Variants in MYO18B observed in about 807,000 individuals in gnomAD.
MYO18B encodes the protein myosin XVIIIB.
Under a neutral mutation model 273.0 loss-of-function variants are expected in MYO18B, and 204 were observed. That is an observed-to-expected ratio of 0.75 (90% CI 0.67 to 0.84). MYO18B has a LOEUF of 0.84. Among genes scored for constraint, MYO18B ranks in the 40% least tolerant of loss-of-function variants. MYO18B has a pLI of 0.00. For synonymous variants in MYO18B, 1,330 were observed against 1,305.7 expected (o/e 1.02, Z -0.40); for missense variants, 3,212 against 3,287.6 (o/e 0.98, Z 0.56).
intron 34 of MYO18B, among the ~76,000 whole-genome samples, chr22:25,944,846 CAAAAA>C (rs55989904): frequency 6.6e-5 from 5 of 75,640 alleles, no homozygotes; most frequent in South Asian, 8.9e-4. Context: ...GACTCCATCT[CAAAAA>C]AAAAAAAAAA....
chr22:25,950,550 G>A (rs189951287), intron 37 of MYO18B, 100 bp downstream of exon 37: 25 of 740,496 alleles, frequency 3.4e-5, no homozygotes, highest in African/African-American at 2.4e-4. Flanking sequence ...GTGTGTGTGT[G>A]TATGAGTTTA....
chr22:26,053,107 G>A, the MYO18B span, among the ~76,000 whole-genome samples: 3 of 152,048 alleles, frequency 2.0e-5, no homozygotes, highest in East Asian at 1.9e-4. Context: ...ACACCCGGCC[G>A]AATTGGGTGT....
At position 25,846,226 on chromosome 22, in the gene MYO18B, C is replaced by T; in HGVS notation, c.3495C>T (p.Ala1165=). The change falls in exon 19 of 44, where the codon GCC becomes GCT. Residue 1165 remains alanine (A), a synonymous_variant. Transcript: ENST00000335473. ...GCCGCATGGTGAGGAGGACCTTTGC[C>T]AGCAGCCTTGCCGCGGTGAGGAGGA... ...QRSRMVRRTF[A]SSLAAVRRKA... is the part of the protein sequence containing the mutation. 3.7e-6 allele frequency: 6 copies of T among 1,612,530 alleles called. No individual in the cohort carries two copies. Among genetic ancestry groups the T allele is most frequent in the Non-Finnish European group, 5.1e-6 (6 of 1,179,834 alleles).
At chr22:25,796,503 G>A (rs934099874) in intron 11 of MYO18B, among the ~76,000 whole-genome samples, 1 of 151,956 alleles carries the variant, frequency 6.6e-6, no homozygotes, top group African/African-American at 2.4e-5. Flanking sequence ...AGCTGAGGTG[G>A]AAGGATCGTT....
chr22:25,775,831 C>T (rs1374022030), intron 7 of MYO18B, among the ~76,000 whole-genome samples: 2 of 151,670 alleles, frequency 1.3e-5, no homozygotes, highest in African/African-American at 4.8e-5. Context: ...TAATTTCTTT[C>T]ATCGATCATC....
At chr22:26,056,024 CTATG>C in the MYO18B span, among the ~76,000 whole-genome samples, 2 of 152,016 alleles carry the variant, frequency 1.3e-5, no homozygotes, top group East Asian at 1.9e-4. Context: ...AAAAAAGTGC[CTATG>C]TATGTATTTC....
intron 22 of MYO18B, among the ~76,000 whole-genome samples, chr22:25,870,244 T>C (rs368491297): frequency 6.6e-6 from 1 of 152,218 alleles, no homozygotes; most frequent in South Asian, 2.1e-4. Flanking sequence ...TTCTGAGAAA[T>C]GAGTGGTTAG....
Position 25,843,739 on chromosome 22 carries a change from C to T in MYO18B, c.3213C>T (p.Ser1071=), listed in dbSNP as rs748623336. The T allele has an allele frequency of 1.8e-5, 29 of 1,612,702 alleles. No homozygotes were observed. The highest frequency in any genetic ancestry group is 2.2e-5 in the Non-Finnish European group (26 of 1,178,944). ...FEKKGAGTEG[S]SALRTCEQPL... ...TGCCACCATGTCTGTTTCCAGGGTC[C>T]TCTGCCCTGCGGACCTGTGAGCAGC... The change falls in exon 18 of 44, where the codon TCC becomes TCT. Residue 1071 remains serine (S), a synonymous_variant. Transcript: ENST00000335473.
chr22:25,783,329 G>A (rs1165295444), intron 10 of MYO18B, among the ~76,000 whole-genome samples: 1 of 152,222 alleles, frequency 6.6e-6, no homozygotes, highest in East Asian at 1.9e-4. Context: ...CAACCCCGTA[G>A]GCATTTAAAT....
chr22:25,924,417 A>G (rs2092391616), intron 34 of MYO18B, among the ~76,000 whole-genome samples: 1 of 152,238 alleles, frequency 6.6e-6, no homozygotes, highest in African/African-American at 2.4e-5. Flanking sequence ...AGCACCATGG[A>G]TAGTGAGACA....
chr22:25,864,830 C>G (rs181917297), intron 21 of MYO18B, among the ~76,000 whole-genome samples: 1 of 152,222 alleles, frequency 6.6e-6, no homozygotes, highest in African/African-American at 2.4e-5. Flanking sequence ...ATTTGACTCA[C>G]GAAAAAGCAG....
intron 17 of MYO18B, among the ~76,000 whole-genome samples, chr22:25,843,017 T>C (rs1230461665): frequency 6.6e-6 from 1 of 152,178 alleles, no homozygotes; most frequent in Non-Finnish European, 1.5e-5. Flanking sequence ...ACATACATTA[T>C]CTCCTTTAAG....
chr22:26,023,790 G>A lies in MYO18B; in HGVS notation c.6471-2655G>A, dbSNP rs1275666029. On this transcript the variant is annotated intron_variant, in intron 42 of 43. Transcript: ENST00000335473. ...AGTTCTGCGGCAGCCCACTGCCCCT[G>A]GCAGCTCCAAGCTGTTTATTAATAA... is the stretch of plus-strand genomic sequence containing the variant. Among the ~76,000 whole-genome samples the A allele has an allele frequency of 5.3e-5, 8 of 152,168 alleles. No homozygotes were observed. The South Asian group carries it at 8.3e-4, about 16-fold the overall frequency.
At chr22:25,898,223 G>A (rs2091853073) in intron 28 of MYO18B, 84 bp from the exon 29 acceptor site, 4 of 1,477,202 alleles carry the variant, frequency 2.7e-6, no homozygotes, top group Non-Finnish European at 3.7e-6. Flanking sequence ...TACACACCTT[G>A]GAAATAGCAA....
intron 40 of MYO18B, 76 bp downstream of exon 40, chr22:25,992,569 G>A (rs546669408): frequency 3.5e-5 from 56 of 1,586,408 alleles, no homozygotes; most frequent in Middle Eastern, 3.5e-4. Context: ...CCCTTTAGCC[G>A]GGCTGGGGCC....
chr22:25,946,424 T>C (rs574624145), intron 35 of MYO18B, among the ~76,000 whole-genome samples, 174 bp downstream of exon 35: 1 of 152,096 alleles, frequency 6.6e-6, no homozygotes, highest in African/African-American at 2.4e-5. Context: ...TGTGCTCAGC[T>C]CTGTAAGAGG....
chr22:25,970,552 C>T (rs1275327881), intron 39 of MYO18B, among the ~76,000 whole-genome samples: 2 of 152,110 alleles, frequency 1.3e-5, no homozygotes, highest in Non-Finnish European at 2.9e-5. Context: ...CTGCCGCCCG[C>T]CCGCTTGGAT....
At chr22:25,858,246 T>G (rs1484880420) in intron 21 of MYO18B, among the ~76,000 whole-genome samples, 2 of 152,238 alleles carry the variant, frequency 1.3e-5, no homozygotes, top group African/African-American at 4.8e-5. Context: ...ATCCACGCCC[T>G]TGATACTTGA....
chr22:25,752,435 C>A (rs1568966065), intron 1 of MYO18B, among the ~76,000 whole-genome samples: 1 of 151,862 alleles, frequency 6.6e-6, no homozygotes, highest in Admixed American at 6.6e-5. Context: ...GATCCGCCCG[C>A]CTCGGCCTCA....
Sources: allele counts gnomAD v4.1 joint callset (sites outside exome capture counted in the v4.1 genomes callset), GRCh38; gene constraint gnomAD v4.1.1; transcripts MANE v1.5; gene names NCBI Gene and HGNC (gene_info 2026-07-23, HGNC 2026-07-21).